The following EFCAB5 variants were observed in gnomAD, a reference collection of about 807,000 sequenced individuals.
EFCAB5 encodes EF-hand calcium-binding domain-containing protein 5.
Under a neutral mutation model 167.9 loss-of-function variants are expected in EFCAB5, and 131 were observed. The ratio of observed to expected loss-of-function variants is 0.78; its 90% CI spans 0.68 to 0.90. EFCAB5 has a LOEUF of 0.90. EFCAB5 is among the 40% of genes least tolerant of loss of function. The pLI is 0.00. For synonymous variants in EFCAB5, 574 were observed against 602.8 expected (o/e 0.95, Z 0.70); for missense variants, 1,663 against 1,745.2 (o/e 0.95, Z 0.84).
rs1326589432 is a variant in EFCAB5, at chr17:29,941,681, C to A, written c.-116C>A. 4 of 886,044 alleles carry A rather than the reference C, an allele frequency of 4.5e-6. No homozygotes were observed. Among genetic ancestry groups the A allele is most frequent in the Non-Finnish European group, 6.8e-6 (4 of 584,684 alleles). 54.9% of individuals were successfully genotyped at this position (886,044 alleles called of 1,614,324 possible). A position where few individuals can be genotyped will look rare whatever the true frequency, so the allele number is the denominator to read the frequency against. On this transcript the variant is annotated 5_prime_UTR_variant, in exon 1 of 23. Transcript: ENST00000394835. ...TGAGGTGAGGGCAGGAGTGAGGGAG[C>A]TTTTTTAACTTCTGGAGTACTTTGT...
chr17:30,084,549 A>C (rs1315407873), intron 18 of EFCAB5, among the ~76,000 whole-genome samples: 3 of 152,164 alleles, frequency 2.0e-5, no homozygotes, highest in African/African-American at 7.2e-5. Context: ...TCCTGCCAAA[A>C]GTCGGGGGAG....
chr17:30,106,896 G>A (rs540224152), intron 22 of EFCAB5, among the ~76,000 whole-genome samples: 3 of 152,290 alleles, frequency 2.0e-5, no homozygotes, highest in East Asian at 3.9e-4. Flanking sequence ...AGCCATGATC[G>A]TGCCACTGCA....
Position 30,078,358 on chromosome 17 carries a change from C to A in EFCAB5, c.2881C>A (p.Leu961Met). Reference sequence around the variant, plus strand: ...AGTTCTGGAAAGTGTTGTGGAATTTCTGATGAATGCTTTAGAGAGGAGCCA... The same window carrying A: ...AGTTCTGGAAAGTGTTGTGGAATTTATGATGAATGCTTTAGAGAGGAGCCA... The part of the protein sequence containing the change: ...DQVLESVVEF[L>M]MNALERSHIE... The change falls in exon 15 of 23, where the codon CTG becomes ATG. Residue 961 changes from leucine to methionine, a missense_variant. By Grantham distance (15) the Leu-to-Met change is conservative (BLOSUM62 2). Transcript: ENST00000394835. The A allele has an allele frequency of 6.2e-7, 1 of 1,613,992 alleles. No individual in the cohort carries two copies. Among genetic ancestry groups the A allele is most frequent in the Non-Finnish European group, 8.5e-7 (1 of 1,179,898 alleles).
chr17:30,039,867 C>T (rs1284286024), intron 8 of EFCAB5, among the ~76,000 whole-genome samples: 1 of 152,230 alleles, frequency 6.6e-6, no homozygotes, highest in Non-Finnish European at 1.5e-5. Flanking sequence ...CCTCCTACAA[C>T]TGCCCTTTTC....
intron 7 of EFCAB5, among the ~76,000 whole-genome samples, chr17:30,001,923 T>A (rs942806778): frequency 1.3e-5 from 2 of 152,200 alleles, no homozygotes; most frequent in Non-Finnish European, 2.9e-5. Context: ...GGTTGAACAC[T>A]TGCCTTGAGA....
chr17:29,970,855 A>G (rs952956444), intron 4 of EFCAB5, among the ~76,000 whole-genome samples: 13 of 152,278 alleles, frequency 8.5e-5, no homozygotes, highest in African/African-American at 3.1e-4. Flanking sequence ...CAGGCTGATC[A>G]CCTGAGGTCA....
chr17:30,014,511 T>C (rs187812147), intron 7 of EFCAB5, among the ~76,000 whole-genome samples: 1,776 of 152,344 alleles, frequency 0.012, 32 homozygotes, highest in African/African-American at 0.039. Context: ...GTATTTAGGA[T>C]AGTTAGCTCT....
intron 7 of EFCAB5, among the ~76,000 whole-genome samples, chr17:30,029,726 C>A (rs7225686): frequency 0.51 from 77,992 of 151,884 alleles, 20,426 homozygotes; most frequent in African/African-American, 0.57. Context: ...CCAGGGCTTA[C>A]AAATACCGTT....
At chr17:29,946,447 T>C (rs1457113830) in intron 3 of EFCAB5, among the ~76,000 whole-genome samples, 4 of 140,758 alleles carry the variant, frequency 2.8e-5, no homozygotes, top group Non-Finnish European at 6.2e-5. Context: ...TTTTTTTTTT[T>C]TTTTTTTGAG....
chr17:30,080,677 C>A (rs1200099128), intron 16 of EFCAB5, 76 bp from the exon 17 acceptor site: 2 of 1,074,002 alleles, frequency 1.9e-6, no homozygotes, highest in East Asian at 2.6e-5. Flanking sequence ...AATAGAGAAT[C>A]GCTCTAGTTT....
At chr17:29,948,886 A>G (rs1319932592) in intron 3 of EFCAB5, among the ~76,000 whole-genome samples, 1 of 152,156 alleles carries the variant, frequency 6.6e-6, no homozygotes, top group African/African-American at 2.4e-5. Context: ...TATCTATTGA[A>G]TTTTAATTCC....
intron 19 of EFCAB5, 46 bp from the exon 20 acceptor site, chr17:30,090,375 C>A: frequency 6.3e-7 from 1 of 1,592,434 alleles, no homozygotes. Flanking sequence ...ATGATGTGAA[C>A]AGACAGATGT....
intron 3 of EFCAB5, among the ~76,000 whole-genome samples, chr17:29,965,578 G>A (rs983941318): frequency 3.3e-5 from 5 of 152,152 alleles, no homozygotes; most frequent in African/African-American, 4.8e-5. Context: ...TATGGTGTAA[G>A]GTAGGCATCC....
At chr17:29,945,110 C>T (rs1016885099) in intron 3 of EFCAB5, among the ~76,000 whole-genome samples, 2 of 151,968 alleles carry the variant, frequency 1.3e-5, no homozygotes, top group Non-Finnish European at 2.9e-5. Context: ...TCTTTTAACT[C>T]CAAATACTTA....
At chr17:29,996,264 G>C in intron 5 of EFCAB5, 48 bp from the exon 6 acceptor site, 1 of 1,435,650 alleles carries the variant, frequency 7.0e-7, no homozygotes, top group Non-Finnish European at 9.5e-7. Flanking sequence ...TGTGGTAACT[G>C]AGGAGTGGCA....
intron 22 of EFCAB5, among the ~76,000 whole-genome samples, chr17:30,106,692 A>G (rs1187052131): frequency 2.0e-5 from 3 of 152,074 alleles, no homozygotes; most frequent in Non-Finnish European, 2.9e-5. Context: ...CCTGACCTCA[A>G]GTGATCCACT....
chr17:30,087,906 G>A (rs559198146), intron 19 of EFCAB5, among the ~76,000 whole-genome samples: 32 of 152,194 alleles, frequency 2.1e-4, no homozygotes, highest in African/African-American at 6.7e-4. Context: ...TTGCATTCCC[G>A]CCAGCAGTGT....
Position 29,969,366 on chromosome 17 carries a change from A to C in EFCAB5, c.766A>C (p.Arg256=). 1 of 1,572,248 alleles carries C rather than the reference A, an allele frequency of 6.4e-7. No homozygotes were observed. Among genetic ancestry groups the C allele is most frequent in the Non-Finnish European group, 8.6e-7 (1 of 1,162,300 alleles). The change falls in exon 4 of 23, where the codon AGA becomes CGA. Residue 256 remains arginine, a splice_region_variant and synonymous_variant. Coordinates refer to ENST00000394835, the MANE Select transcript of EFCAB5 (RefSeq NM_198529.4). Reference sequence around the variant, plus strand: ...ATATGTTCCTGACACTATCTGCAACAGGTACAATCTGTTATAGTTTCAGTT... The same window carrying C: ...ATATGTTCCTGACACTATCTGCAACCGGTACAATCTGTTATAGTTTCAGTT... ...KIYVPDTICN[R]VSKMKENVKQ... is the part of the protein sequence containing the mutation.
intron 15 of EFCAB5, 67 bp downstream of exon 15, chr17:30,078,571 A>C (rs1597778544): frequency 1.4e-6 from 2 of 1,449,610 alleles, no homozygotes; most frequent in Non-Finnish European, 9.1e-7. Context: ...CAATGTTTGC[A>C]AAAGAGGAGC....
Sources: allele counts gnomAD v4.1 joint callset (sites outside exome capture counted in the v4.1 genomes callset), GRCh38; gene constraint gnomAD v4.1.1; transcripts MANE v1.5; gene names NCBI Gene and HGNC (gene_info 2026-07-23, HGNC 2026-07-21).